The following IPO9 variants were observed in gnomAD, a reference collection of about 807,000 sequenced individuals.
IPO9 encodes the protein importin 9, also known as importin-9.
IPO9 carries 28 observed loss-of-function variants against 128.6 expected under a neutral mutation model. The ratio of observed to expected loss-of-function variants is 0.22; its 90% CI spans 0.16 to 0.30. IPO9 has a LOEUF of 0.30. Among genes scored for constraint, IPO9 ranks in the 10% least tolerant of loss-of-function variants. The probability of loss-of-function intolerance (pLI) is 1.00; values close to 1 mark genes in which losing one functional copy is unlikely to be tolerated. For synonymous variants in IPO9, 455 were observed against 475.8 expected (o/e 0.96, Z 0.57); for missense variants, 935 against 1,293.9 (o/e 0.72, Z 4.26).
intron 1 of IPO9, among the ~76,000 whole-genome samples, chr1:201,837,489 TTGTGAGC>T (rs1679960327): frequency 6.6e-6 from 1 of 152,150 alleles, no homozygotes; most frequent in Non-Finnish European, 1.5e-5. Context: ...TTTTTCCCTT[TTGTGAGC>T]TGTGAGCCTC....
intron 1 of IPO9, among the ~76,000 whole-genome samples, chr1:201,838,306 C>T (rs961392372): frequency 6.6e-6 from 1 of 152,176 alleles, no homozygotes; most frequent in Non-Finnish European, 1.5e-5. Context: ...TACTAGTTGT[C>T]TTTCTCCTTT....
At position 201,866,872 on chromosome 1, in the gene IPO9, G is replaced by A. The variant is rs753154287; in HGVS notation, c.1768G>A (p.Val590Ile). 40 of 1,613,974 alleles carry A rather than the reference G, an allele frequency of 2.5e-5. No individual in the cohort carries two copies. The highest frequency in any genetic ancestry group is 1.4e-4 in the South Asian group (13 of 91,086). The change falls in exon 15 of 24, where the codon GTT (valine) becomes ATT (isoleucine). Residue 590 changes from valine (V) to isoleucine (I), a missense_variant. Val to Ile is a conservative substitution (Grantham distance 29, BLOSUM62 3). Coordinates refer to ENST00000361565, the MANE Select transcript of IPO9 (RefSeq NM_018085.5). ...LNLVMETLCI[V>I]CTVDPEFTAS... ...CCTGGTGATGGAGACCCTGTGCATC[G>A]TTTGTACAGTAGACCCCGAATTCAC... is the stretch of plus-strand genomic sequence containing the variant.
In IPO9 at chr1:201,870,819, C is replaced by T; in HGVS notation, c.2370C>T (p.Leu790=). The T allele has an allele frequency of 2.5e-6, 4 of 1,613,994 alleles. No homozygotes were observed. The highest frequency in any genetic ancestry group is 2.2e-5 in the East Asian group (1 of 44,888). Residue 790 remains leucine (L), a synonymous_variant, in exon 18 of 24, where the codon CTC becomes CTT. Coordinates refer to ENST00000361565, the MANE Select transcript of IPO9 (RefSeq NM_018085.5). The surrounding 1 kb of genome is among the most constrained non-coding windows in gnomAD (Gnocchi z 4.9). The part of the protein sequence containing the change: ...ENLDQILRAI[L]SKMQQAETLS... ...TAGACCAGATTCTTCGTGCCATCCTCAGTAAGATGCAGCAGGCAGAGACGC... is the reference window on the plus strand; with the variant it reads ...TAGACCAGATTCTTCGTGCCATCCTTAGTAAGATGCAGCAGGCAGAGACGC...
chr1:201,829,421 T>A (rs1214356827), intron 1 of IPO9, 49 bp downstream of exon 1: 3 of 1,488,940 alleles, frequency 2.0e-6, no homozygotes, highest in Non-Finnish European at 2.7e-6. Flanking sequence ...CACAATCCGC[T>A]GACCGCAGCT....
chr1:201,838,921 CTTT>C (rs386354520), intron 1 of IPO9, among the ~76,000 whole-genome samples: 3 of 142,626 alleles, frequency 2.1e-5, no homozygotes, highest in South Asian at 2.2e-4. Flanking sequence ...TTAGAGGAAA[CTTT>C]TTTTTTTTTT....
intron 12 of IPO9, 120 bp from the exon 13 acceptor site, chr1:201,858,735 G>A (rs1680380088): frequency 3.8e-6 from 4 of 1,064,482 alleles, no homozygotes; most frequent in Non-Finnish European, 2.7e-6. Context: ...AGGGCTTAAG[G>A]TAAATGACTC....
At position 201,829,176 on chromosome 1, in the gene IPO9, C is replaced by A. The variant is rs757394878; in HGVS notation, c.-34C>A. On this transcript the variant is annotated 5_prime_UTR_variant, in exon 1 of 24. Transcript: ENST00000361565. ...GGGGCCGTCATTCGGTGGCGGGTCC[C>A]GGCCGCGGGGCTGGCGGGCTGAGGG... 1 of 1,460,388 alleles carries A rather than the reference C, an allele frequency of 6.8e-7. No homozygotes were observed. The highest frequency in any genetic ancestry group is 1.4e-5 in the South Asian group (1 of 73,342). The allele number at this position is 1,460,388 out of a possible 1,614,324, so 90.5% of individuals were successfully genotyped here. A position where few individuals can be genotyped will look rare whatever the true frequency, so the allele number is the denominator to read the frequency against.
chr1:201,875,088 C>A, intron 22 of IPO9, 64 bp from the exon 23 acceptor site: 1 of 1,474,860 alleles, frequency 6.8e-7, no homozygotes, highest in Non-Finnish European at 9.5e-7. Flanking sequence ...GGTAGTATAT[C>A]ACCACTCAGG....
intron 6 of IPO9, among the ~76,000 whole-genome samples, chr1:201,853,774 C>T (rs1377203052): frequency 6.6e-6 from 1 of 152,162 alleles, no homozygotes; most frequent in African/African-American, 2.4e-5. Flanking sequence ...GAGTCTCGCT[C>T]TGTCACCAGG....
Position 201,876,301 on chromosome 1 carries a change from C to G in IPO9, c.*247C>G. 1 of 617,044 alleles carries G rather than the reference C, an allele frequency of 1.6e-6. No individual in the cohort carries two copies. The highest frequency in any genetic ancestry group is 3.0e-6 in the Non-Finnish European group (1 of 332,674). 38.2% of individuals were successfully genotyped at this position (617,044 alleles called of 1,614,324 possible). On this transcript the variant is annotated 3_prime_UTR_variant, in exon 24 of 24. Coordinates refer to ENST00000361565, the MANE Select transcript of IPO9 (RefSeq NM_018085.5). ...ATGCCATCTCTAGAACCTTTTTTCT[C>G]CCCGACTCTACCCCCACCTCTGTTC...
In IPO9 at chr1:201,882,947, A is replaced by C. The variant is rs1482975342; in HGVS notation, c.*6893A>C. ...CATTCTTCCTGACTCACTGGATTACACTGTGACTCAGTTCAATTTCACACA... is the reference window on the plus strand; with the variant it reads ...CATTCTTCCTGACTCACTGGATTACCCTGTGACTCAGTTCAATTTCACACA... On this transcript the variant is annotated 3_prime_UTR_variant, in exon 24 of 24. Transcript: ENST00000361565. 1 of 152,488 alleles carries C rather than the reference A, an allele frequency of 6.6e-6. No homozygotes were observed. The highest frequency in any genetic ancestry group is 1.5e-5 in the Non-Finnish European group (1 of 68,010). 9.4% of individuals were successfully genotyped at this position (152,488 alleles called of 1,614,324 possible).
At chr1:201,834,586 C>T (rs1045490590) in intron 1 of IPO9, among the ~76,000 whole-genome samples, 3 of 152,190 alleles carry the variant, frequency 2.0e-5, no homozygotes, top group African/African-American at 7.2e-5. Context: ...GGGTTGCTTT[C>T]ATTCAGAAGC....
In IPO9 at chr1:201,847,357, C is replaced by T. The variant is rs779690427; in HGVS notation, c.225+17C>T. ...ATCCGTCAGGTAAGTCCAGACTGGC[C>T]CAATTTATAAATAGTTTCCCTTTCC... is the stretch of plus-strand genomic sequence containing the variant. On this transcript the variant is annotated intron_variant, in intron 2 of 23. Transcript: ENST00000361565. 6.2e-7 allele frequency: 1 copy of T among 1,606,810 alleles called. No individual in the cohort carries two copies. The highest frequency in any genetic ancestry group is 1.7e-5 in the Admixed American group (1 of 59,544).
chr1:201,867,635 G>T (rs1326941063), intron 15 of IPO9, among the ~76,000 whole-genome samples: 1 of 151,652 alleles, frequency 6.6e-6, no homozygotes, highest in Non-Finnish European at 1.5e-5. Flanking sequence ...AAAATGTTGA[G>T]TGTTTAGGTA....
intron 1 of IPO9, 104 bp downstream of exon 1, chr1:201,829,476 T>A: frequency 8.3e-7 from 1 of 1,211,632 alleles, no homozygotes; most frequent in Non-Finnish European, 1.1e-6. Flanking sequence ...GTTGGAGATG[T>A]GGGCGCCGAG....
intron 23 of IPO9, among the ~76,000 whole-genome samples, chr1:201,875,482 C>T (rs974883585): frequency 3.3e-5 from 5 of 151,602 alleles, no homozygotes; most frequent in Admixed American, 6.6e-5. Context: ...CCCAGCTACT[C>T]GGGAGGCTGA....
At chr1:201,864,266 TAGAA>T (rs1680509529) in intron 14 of IPO9, among the ~76,000 whole-genome samples, 1 of 152,226 alleles carries the variant, frequency 6.6e-6, no homozygotes, top group Non-Finnish European at 1.5e-5. Flanking sequence ...TATATGTCAT[TAGAA>T]AGCATTCAAG....
rs1680925876 is a variant in IPO9 at position 201,883,370 on chromosome 1, C to G, written c.*7316C>G. Reference sequence around the variant, plus strand: ...GGAGAGAAAAAGGGGGGTAGTTTTCCAAAAGATAAGTAGGGGACAAAAAAG... The same window carrying G: ...GGAGAGAAAAAGGGGGGTAGTTTTCGAAAAGATAAGTAGGGGACAAAAAAG... On this transcript the variant is annotated 3_prime_UTR_variant, in exon 24 of 24. Transcript: ENST00000361565. 1 of 152,040 alleles carries G rather than the reference C, an allele frequency of 6.6e-6. No individual in the cohort carries two copies. Among genetic ancestry groups the G allele is most frequent in the East Asian group, 1.9e-4 (1 of 5,180 alleles). The allele number at this position is 152,040 out of a possible 1,614,324, so 9.4% of individuals were successfully genotyped here.
Position 201,882,450 on chromosome 1 carries a change from A to C in IPO9, c.*6396A>C, listed in dbSNP as rs985825262. 4.1e-5 allele frequency: 6 copies of C among 147,728 alleles called. No individual in the cohort carries two copies. The highest frequency in any genetic ancestry group is 8.0e-5 in the African/African-American group (3 of 37,600). The allele number at this position is 147,728 out of a possible 1,614,324, so 9.2% of individuals were successfully genotyped here. A position where few individuals can be genotyped will look rare whatever the true frequency, so the allele number is the denominator to read the frequency against. On this transcript the variant is annotated 3_prime_UTR_variant, in exon 24 of 24. Coordinates refer to ENST00000361565, the MANE Select transcript of IPO9 (RefSeq NM_018085.5). ...CTGCCTCAAAAAAAAAAAAAAACAA[A>C]AAAAAAAACAAGTTTTGTGAATTTA... is the stretch of plus-strand genomic sequence containing the variant.
Sources: gnomAD v4.1 joint callset for allele counts (sites outside exome capture counted in the v4.1 genomes callset) on GRCh38, gnomAD v4.1.1 for gene constraint, Gnocchi (gnomAD v3.1) non-coding constraint, MANE v1.5 for transcripts, NCBI Gene and HGNC (gene_info 2026-07-23, HGNC 2026-07-21) for gene names.